The following ZNF804B variants were observed in gnomAD, a reference collection of about 807,000 sequenced individuals.
ZNF804B encodes zinc finger 804B.
A neutral mutation model predicts 101.4 loss-of-function variants in ZNF804B; 80 were observed. That is an observed-to-expected ratio of 0.79 (90% CI 0.66 to 0.95). ZNF804B has a LOEUF of 0.95. ZNF804B is among the 40% of genes least tolerant of loss of function. ZNF804B has a pLI of 0.00. For missense variants in ZNF804B, 1,673 were observed against 1,561.9 expected (o/e 1.07, Z -1.20); for synonymous variants, 622 against 558.8 (o/e 1.11, Z -1.59).
intron 1 of ZNF804B, among the ~76,000 whole-genome samples, chr7:88,793,206 A>G (rs1385425642): frequency 1.3e-5 from 2 of 152,190 alleles, no homozygotes; most frequent in East Asian, 3.8e-4. Flanking sequence ...AAACTTTTAA[A>G]CAATGCAAAA....
chr7:89,050,498 C>T (rs1231697628), intron 1 of ZNF804B, among the ~76,000 whole-genome samples: 3 of 152,106 alleles, frequency 2.0e-5, no homozygotes, highest in Admixed American at 6.6e-5. Context: ...TATCATAGTG[C>T]GTGATCCTTG....
At chr7:89,074,166 A>C (rs1178170161) in intron 1 of ZNF804B, among the ~76,000 whole-genome samples, 1 of 152,208 alleles carries the variant, frequency 6.6e-6, no homozygotes, top group Non-Finnish European at 1.5e-5. Flanking sequence ...GAGCCAATAC[A>C]TTCTAATTGT....
chr7:89,058,063 T>C (rs2116276965), intron 1 of ZNF804B, among the ~76,000 whole-genome samples: 1 of 152,214 alleles, frequency 6.6e-6, no homozygotes, highest in Middle Eastern at 3.4e-3. Flanking sequence ...GGTTTAATAA[T>C]ACAAAACAAC....
intron 1 of ZNF804B, among the ~76,000 whole-genome samples, chr7:89,040,177 T>G (rs1788994136): frequency 1.3e-5 from 2 of 152,052 alleles, no homozygotes; most frequent in Admixed American, 6.5e-5. Context: ...TTTTTTATCC[T>G]TTATTTCTTT....
chr7:89,239,192 GT>G (rs1369025740), intron 2 of ZNF804B, among the ~76,000 whole-genome samples: 1 of 152,138 alleles, frequency 6.6e-6, no homozygotes, highest in Non-Finnish European at 1.5e-5. Flanking sequence ...TAAGGGACTG[GT>G]TTGTGCAGGA....
At chr7:89,286,549 C>G (rs1358792247) in intron 2 of ZNF804B, among the ~76,000 whole-genome samples, 1 of 152,084 alleles carries the variant, frequency 6.6e-6, no homozygotes, top group Non-Finnish European at 1.5e-5. Flanking sequence ...AATACGGAGT[C>G]GGTGAGGTTT....
intron 1 of ZNF804B, among the ~76,000 whole-genome samples, chr7:88,992,896 G>A (rs1326267479): frequency 6.6e-6 from 1 of 151,788 alleles, no homozygotes; most frequent in Non-Finnish European, 1.5e-5. Flanking sequence ...AGAGTTCACA[G>A]TTACCTGTGA....
chr7:89,111,854 T>C (rs1287723060), intron 1 of ZNF804B, among the ~76,000 whole-genome samples: 1 of 152,034 alleles, frequency 6.6e-6, no homozygotes, highest in Non-Finnish European at 1.5e-5. Context: ...TAGGGCTAGG[T>C]GCACTTTGGG....
intron 1 of ZNF804B, among the ~76,000 whole-genome samples, chr7:88,999,505 T>C (rs1788253249): frequency 6.6e-6 from 1 of 152,000 alleles, no homozygotes; most frequent in Admixed American, 6.6e-5. Context: ...CACTTTGTAG[T>C]CTACTCTGTC....
chr7:88,972,689 TA>T (rs539092662), intron 1 of ZNF804B, among the ~76,000 whole-genome samples: 4 of 151,194 alleles, frequency 2.6e-5, no homozygotes, highest in Admixed American at 6.6e-5. Flanking sequence ...AACTGTCCTT[TA>T]AAAAAATATA....
intron 2 of ZNF804B, among the ~76,000 whole-genome samples, chr7:89,287,527 G>T (rs1790223480): frequency 6.6e-6 from 1 of 152,140 alleles, no homozygotes; most frequent in African/African-American, 2.4e-5. Flanking sequence ...GTAAATTTCT[G>T]GACTATTAAA....
intron 1 of ZNF804B, among the ~76,000 whole-genome samples, chr7:88,984,693 A>T (rs1293467980): frequency 6.6e-6 from 1 of 152,082 alleles, no homozygotes; most frequent in East Asian, 1.9e-4. Context: ...AAATTGACTC[A>T]GGCCAAATAC....
At chr7:89,036,167 A>T (rs1282388022) in intron 1 of ZNF804B, among the ~76,000 whole-genome samples, 1 of 150,924 alleles carries the variant, frequency 6.6e-6, no homozygotes, top group Non-Finnish European at 1.5e-5. Context: ...ATATAGAGAT[A>T]TATAGTTCTT....
chr7:88,969,585 A>G (rs922387638), intron 1 of ZNF804B, among the ~76,000 whole-genome samples: 16 of 151,646 alleles, frequency 1.1e-4, no homozygotes, highest in Non-Finnish European at 1.9e-4. Flanking sequence ...AGAGGAAGAA[A>G]GGAGGACAAA....
At position 89,120,424 on chromosome 7, in the gene ZNF804B, G is replaced by A. The variant is rs1583998124; in HGVS notation, c.109-97731G>A. 2.0e-5 allele frequency among the ~76,000 whole-genome samples: 3 copies of A among 152,216 alleles called. No homozygotes were observed. The East Asian group carries it at 5.8e-4, about 29-fold the overall frequency. On this transcript the variant is annotated intron_variant, in intron 1 of 3. Transcript: ENST00000333190. Reference sequence around the variant, plus strand: ...TGTAATCCCAACACTCTGAGAGGCCGAGGCGGGCAGATCACGAGGTCAGGA... The same window carrying A: ...TGTAATCCCAACACTCTGAGAGGCCAAGGCGGGCAGATCACGAGGTCAGGA...
chr7:88,956,307 A>C (rs1453296952), intron 1 of ZNF804B, among the ~76,000 whole-genome samples: 1 of 151,572 alleles, frequency 6.6e-6, no homozygotes, highest in African/African-American at 2.4e-5. Flanking sequence ...CACCACTATT[A>C]ACAATTGCCA....
chr7:89,175,170 A>C (rs1244306401), intron 1 of ZNF804B, among the ~76,000 whole-genome samples: 1 of 151,608 alleles, frequency 6.6e-6, no homozygotes, highest in East Asian at 1.9e-4. Context: ...TGACCTGGAG[A>C]GTTTCCCCAA....
intron 2 of ZNF804B, among the ~76,000 whole-genome samples, chr7:89,293,266 T>A (rs189779575): frequency 3.0e-4 from 45 of 152,240 alleles, no homozygotes; most frequent in Non-Finnish European, 7.4e-5. Context: ...TGGTCAAATG[T>A]TCTCACCACA....
intron 2 of ZNF804B, among the ~76,000 whole-genome samples, chr7:89,316,040 CA>C (rs1157811348): frequency 6.6e-6 from 1 of 151,910 alleles, no homozygotes; most frequent in Admixed American, 6.6e-5. Context: ...TGGGTATCAC[CA>C]AAAAATATTA....
Sources: gnomAD v4.1 joint callset for allele counts (sites outside exome capture counted in the v4.1 genomes callset) on GRCh38, gnomAD v4.1.1 for gene constraint, MANE v1.5 for transcripts, NCBI Gene and HGNC (gene_info 2026-07-23, HGNC 2026-07-21) for gene names.